UBE2E2: variants seen among roughly 807,000 people sequenced by gnomAD.
The protein encoded by UBE2E2 is ubiquitin conjugating enzyme E2 E2.
In UBE2E2, 6 loss-of-function variants were observed where a neutral mutation model predicts 24.7. The observed-to-expected ratio is 0.24, with a 90% CI of 0.13 to 0.48. UBE2E2 has a LOEUF of 0.48. Ranked by LOEUF, UBE2E2 falls within the 20% of genes least tolerant of loss-of-function variation. The probability of loss-of-function intolerance (pLI) is 0.99; values close to 1 mark genes in which losing one functional copy is unlikely to be tolerated. For synonymous variants in UBE2E2, 104 were observed against 83.6 expected, an observed-to-expected ratio of 1.24 and a Z score of -1.33; for missense variants, 169 against 245.0, an observed-to-expected ratio of 0.69 and a Z score of 2.07.
At chr3:23,316,454 C>T (rs1694581833) in intron 3 of UBE2E2, among the ~76,000 whole-genome samples, 1 of 151,922 alleles carries the variant, frequency 6.6e-6, no homozygotes, top group South Asian at 2.1e-4. Flanking sequence ...AGGCCAAGGG[C>T]TCTTCACTTA....
intron 3 of UBE2E2, among the ~76,000 whole-genome samples, chr3:23,410,972 C>A (rs570618493): frequency 1.3e-5 from 2 of 152,056 alleles, no homozygotes; most frequent in African/African-American, 4.8e-5. Flanking sequence ...CCTCCTCTCC[C>A]TCCTCAAACT....
chr3:23,528,546 CTT>C (rs772929752), intron 4 of UBE2E2, among the ~76,000 whole-genome samples: 2 of 152,086 alleles, frequency 1.3e-5, no homozygotes, highest in Non-Finnish European at 2.9e-5. Context: ...CGCCTTTTTA[CTT>C]TGTTTAGTTT....
intron 3 of UBE2E2, among the ~76,000 whole-genome samples, chr3:23,445,271 T>C (rs1379682292): frequency 6.6e-5 from 10 of 152,204 alleles, no homozygotes; most frequent in African/African-American, 2.4e-4. Flanking sequence ...ACACACATGT[T>C]GACATGCTCC....
chr3:23,431,735 C>A (rs950717697), intron 3 of UBE2E2, among the ~76,000 whole-genome samples: 3 of 152,054 alleles, frequency 2.0e-5, no homozygotes, highest in African/African-American at 7.2e-5. Context: ...CCTCTGAAAA[C>A]CACTATATAT....
At chr3:23,540,166 C>G (rs1450289885) in intron 5 of UBE2E2, among the ~76,000 whole-genome samples, 1 of 152,080 alleles carries the variant, frequency 6.6e-6, no homozygotes, top group African/African-American at 2.4e-5. Flanking sequence ...TGCACTCAAG[C>G]AACCCTCCTG....
rs1699086962 is a variant in UBE2E2, at chr3:23,474,475, T to C, written c.228-25133T>C. On this transcript the variant is annotated intron_variant, in intron 3 of 5. Transcript: ENST00000396703. This position sits in a 1 kb window ranked among gnomAD's most constrained non-coding sequence, Gnocchi z 4.0. ...ACACAAATACACGTTATTGTACATT[T>C]CTAATAATCTATCACAAAAAAATCA... is the stretch of plus-strand genomic sequence containing the variant. 6.6e-6 allele frequency among the ~76,000 whole-genome samples: 1 copy of C among 152,130 alleles called. No homozygotes were observed. The highest frequency in any genetic ancestry group is 2.1e-4 in the South Asian group (1 of 4,830).
chr3:23,468,826 C>T (rs550387695), intron 3 of UBE2E2, among the ~76,000 whole-genome samples: 2 of 152,238 alleles, frequency 1.3e-5, no homozygotes, highest in South Asian at 4.2e-4. Flanking sequence ...CTAAATTTAG[C>T]GTGACAAAAT....
intron 3 of UBE2E2, among the ~76,000 whole-genome samples, chr3:23,391,236 T>C (rs1696925587): frequency 6.6e-6 from 1 of 152,204 alleles, no homozygotes. Context: ...AAGTTAATGA[T>C]TAGGTAATTC....
At chr3:23,352,815 A>G (rs1412662081) in intron 3 of UBE2E2, among the ~76,000 whole-genome samples, 1 of 152,162 alleles carries the variant, frequency 6.6e-6, no homozygotes, top group Non-Finnish European at 1.5e-5. Flanking sequence ...ACAAGGAGGA[A>G]CTGGTACGAT....
intron 5 of UBE2E2, among the ~76,000 whole-genome samples, chr3:23,557,180 A>G (rs1247457158): frequency 6.6e-6 from 1 of 152,188 alleles, no homozygotes; most frequent in East Asian, 1.9e-4. Context: ...GGTGGACTAA[A>G]TCAAATAAGT....
chr3:23,418,956 C>CT (rs11399749), intron 3 of UBE2E2, among the ~76,000 whole-genome samples: 85,158 of 141,376 alleles, frequency 0.6, 25,955 homozygotes, highest in African/African-American at 0.71. Context: ...ACAAATGTTA[C>CT]TTTTTTTTTT....
chr3:23,565,672 G>T (rs79562849), intron 5 of UBE2E2, among the ~76,000 whole-genome samples: 1 of 151,886 alleles, frequency 6.6e-6, no homozygotes, highest in Non-Finnish European at 1.5e-5. Context: ...CTCTGAAAAG[G>T]TTTAAAATCC....
chr3:23,295,974 C>G (rs1025458400), intron 3 of UBE2E2, among the ~76,000 whole-genome samples: 1 of 152,108 alleles, frequency 6.6e-6, no homozygotes, highest in East Asian at 1.9e-4. Flanking sequence ...GACCATAGGC[C>G]TCTAATATGT....
intron 1 of UBE2E2, among the ~76,000 whole-genome samples, chr3:23,206,840 TA>T (rs1481378696): frequency 1.3e-5 from 2 of 152,212 alleles, no homozygotes; most frequent in Non-Finnish European, 2.9e-5. Context: ...TTATAGTAAT[TA>T]AAAAATTTTG....
chr3:23,587,420 G>A (rs1295210467), intron 5 of UBE2E2, among the ~76,000 whole-genome samples: 2 of 152,190 alleles, frequency 1.3e-5, no homozygotes, highest in Non-Finnish European at 2.9e-5. Context: ...GAACATATAA[G>A]TCAGTGTTAT....
intron 5 of UBE2E2, among the ~76,000 whole-genome samples, chr3:23,533,911 G>C (rs1695188273): frequency 6.6e-6 from 1 of 152,028 alleles, no homozygotes; most frequent in African/African-American, 2.4e-5. Context: ...ATGAGCCACT[G>C]TACCCAGCCT....
At chr3:23,204,531 A>G (rs1002918359) in intron 1 of UBE2E2, 11 of 220,300 alleles carry the variant, frequency 5.0e-5, no homozygotes, top group South Asian at 3.3e-4. Context: ...ATGTTTCTAG[A>G]TATGTGATAA....
chr3:23,332,718 T>TGTGTGC (rs1491331498), intron 3 of UBE2E2, among the ~76,000 whole-genome samples: 2 of 148,260 alleles, frequency 1.3e-5, no homozygotes, highest in African/African-American at 5.0e-5. Flanking sequence ...TGTGTGTGTG[T>TGTGTGC]GCAGCTATGG....
At chr3:23,363,155 A>G (rs1696164599) in intron 3 of UBE2E2, among the ~76,000 whole-genome samples, 3 of 152,222 alleles carry the variant, frequency 2.0e-5, no homozygotes, top group African/African-American at 4.8e-5. Context: ...GGAGTGCTAG[A>G]TATAGAAAGG....
Sources: gnomAD v4.1 joint callset for allele counts (sites outside exome capture counted in the v4.1 genomes callset) on GRCh38, gnomAD v4.1.1 for gene constraint, Gnocchi (gnomAD v3.1) non-coding constraint, MANE v1.5 for transcripts, NCBI Gene and HGNC (gene_info 2026-07-23, HGNC 2026-07-21) for gene names.